Variants in NPAS3 observed in about 807,000 individuals in gnomAD.
The protein encoded by NPAS3 is neuronal PAS domain-containing protein 3.
NPAS3 carries 14 observed loss-of-function variants against 73.1 expected under a neutral mutation model. That is an observed-to-expected ratio of 0.19 (90% CI 0.13 to 0.30). NPAS3 has a LOEUF of 0.30. NPAS3 is among the 10% of genes least tolerant of loss of function. The pLI is 1.00. For synonymous variants in NPAS3, 620 were observed against 541.5 expected (o/e 1.14, Z -2.01); for missense variants, 1,096 against 1,250.0 (o/e 0.88, Z 1.86).
intron 4 of NPAS3, among the ~76,000 whole-genome samples, chr14:33,476,420 G>A (rs1314314885): frequency 6.6e-6 from 1 of 151,984 alleles, no homozygotes; most frequent in Non-Finnish European, 1.5e-5. Flanking sequence ...AAATTAACTA[G>A]GCCAATTAAG....
At chr14:33,489,328 T>C (rs1244313753) in intron 4 of NPAS3, among the ~76,000 whole-genome samples, 1 of 152,174 alleles carries the variant, frequency 6.6e-6, no homozygotes, top group Non-Finnish European at 1.5e-5. Context: ...ATAACTACAG[T>C]ACTAAATATA....
chr14:33,348,346 T>G (rs2044848895), intron 3 of NPAS3, among the ~76,000 whole-genome samples: 1 of 152,140 alleles, frequency 6.6e-6, no homozygotes, highest in Non-Finnish European at 1.5e-5. Context: ...GGAACCTTCT[T>G]AAGCATAGGT....
chr14:33,800,991 C>T lies in NPAS3; in HGVS notation c.2684C>T (p.Thr895Met). The T allele has an allele frequency of 6.3e-7, 1 of 1,586,814 alleles. No individual in the cohort carries two copies. Among genetic ancestry groups the T allele is most frequent in the African/African-American group, 1.3e-5 (1 of 74,318 alleles). ...GGCGCAGTGAGCGCAGCTAGCCTGACGCAGATGCCCGCCGGCAACGTGTTC... is the reference window on the plus strand; with the variant it reads ...GGCGCAGTGAGCGCAGCTAGCCTGATGCAGATGCCCGCCGGCAACGTGTTC... The change falls in exon 12 of 12, where the codon ACG becomes ATG. Residue 895 changes from threonine (T) to methionine (M), a missense_variant. By Grantham distance (81) the Thr-to-Met change is moderately conservative. Around this residue, in one of 5 missense-constraint regions of NPAS3, gnomAD observed 698 missense variants for 676.7 expected, o/e 1.03. Coordinates refer to ENST00000356141, the Ensembl canonical transcript of NPAS3. The surrounding 1 kb of genome is among the most constrained non-coding windows in gnomAD (Gnocchi z 6.5).
chr14:33,084,451 T>C (rs1393157667), intron 2 of NPAS3, among the ~76,000 whole-genome samples: 1 of 152,194 alleles, frequency 6.6e-6, no homozygotes, highest in Non-Finnish European at 1.5e-5. Context: ...AAACGTAGTA[T>C]AAGAAGACCT....
downstream of NPAS3, chr14:33,801,341 T>G: frequency 1.3e-6 from 1 of 752,922 alleles, no homozygotes; most frequent in Admixed American, 3.1e-5. Context: ...CCGTTTTGTC[T>G]TCTTCTAAGG....
At chr14:33,308,730 G>C (rs1310786090) in intron 3 of NPAS3, among the ~76,000 whole-genome samples, 1 of 151,600 alleles carries the variant, frequency 6.6e-6, no homozygotes, top group Non-Finnish European at 1.5e-5. Context: ...TCATCTGTTT[G>C]CATTTCATTA....
At chr14:33,509,433 A>G (rs1305410195) in intron 4 of NPAS3, among the ~76,000 whole-genome samples, 1 of 152,052 alleles carries the variant, frequency 6.6e-6, no homozygotes, top group African/African-American at 2.4e-5. Context: ...TCCAGTAGCT[A>G]CTTGAAAGCA....
intron 6 of NPAS3, among the ~76,000 whole-genome samples, chr14:33,688,196 C>G (rs1043449668): frequency 3.3e-5 from 5 of 152,060 alleles, no homozygotes; most frequent in Admixed American, 3.3e-4. Context: ...AGCATAGTAC[C>G]CAATAGGTCG....
At chr14:33,792,922 CAAGT>C (rs1489723331) in intron 9 of NPAS3, among the ~76,000 whole-genome samples, 1 of 152,222 alleles carries the variant, frequency 6.6e-6, no homozygotes, top group African/African-American at 2.4e-5. Context: ...GATCCGCAGC[CAAGT>C]AATAACAGCA....
chr14:33,111,972 A>G (rs1291371799), intron 2 of NPAS3, among the ~76,000 whole-genome samples: 1 of 152,050 alleles, frequency 6.6e-6, no homozygotes, highest in Non-Finnish European at 1.5e-5. Flanking sequence ...TTCCAGCTTC[A>G]TCCATGTCCC....
At chr14:32,941,275 T>TCCCCTCC (rs1166793165) in intron 1 of NPAS3, among the ~76,000 whole-genome samples, 2 of 1,874 alleles carry the variant, frequency 1.1e-3, no homozygotes, top group Non-Finnish European at 2.0e-3. Context: ...TCCCCTCCCC[T>TCCCCTCC]CCTCCCTCCC....
At chr14:33,729,623 T>C (rs1388014568) in intron 6 of NPAS3, among the ~76,000 whole-genome samples, 1 of 152,156 alleles carries the variant, frequency 6.6e-6, no homozygotes, top group African/African-American at 2.4e-5. Context: ...CCTCAGTTCC[T>C]TGTTACATTG....
At chr14:33,386,801 T>C (rs1166988350) in intron 4 of NPAS3, among the ~76,000 whole-genome samples, 2 of 152,164 alleles carry the variant, frequency 1.3e-5, no homozygotes, top group African/African-American at 2.4e-5. Context: ...TGCCTAACAG[T>C]GATTGACGTT....
intron 4 of NPAS3, among the ~76,000 whole-genome samples, chr14:33,449,764 C>G (rs193083225): frequency 2.6e-5 from 4 of 152,140 alleles, no homozygotes; most frequent in African/African-American, 9.7e-5. Context: ...TTTATTCCCC[C>G]CCAGGCTCTG....
chr14:33,252,239 C>G (rs541428027), intron 3 of NPAS3, among the ~76,000 whole-genome samples: 1 of 152,010 alleles, frequency 6.6e-6, no homozygotes, highest in African/African-American at 2.4e-5. Context: ...GCCCATAGGA[C>G]TGCATTTCTA....
intron 5 of NPAS3, among the ~76,000 whole-genome samples, chr14:33,569,337 T>C (rs2056105429): frequency 6.6e-6 from 1 of 152,192 alleles, no homozygotes. Flanking sequence ...GGAAAAAATA[T>C]GGCCTAGATT....
intron 1 of NPAS3, among the ~76,000 whole-genome samples, chr14:32,983,299 C>T (rs1337385158): frequency 6.6e-6 from 1 of 152,092 alleles, no homozygotes; most frequent in African/African-American, 2.4e-5. Context: ...TAAAAATTCT[C>T]CCACTTCTTA....
intron 4 of NPAS3, among the ~76,000 whole-genome samples, chr14:33,511,551 C>T (rs1013668070): frequency 4.6e-5 from 7 of 152,000 alleles, no homozygotes; most frequent in Non-Finnish European, 7.4e-5. Flanking sequence ...CATGTGGCCG[C>T]GCTGTTGTAT....
At chr14:33,649,862 G>C (rs1278490592) in intron 5 of NPAS3, among the ~76,000 whole-genome samples, 1 of 152,200 alleles carries the variant, frequency 6.6e-6, no homozygotes, top group Non-Finnish European at 1.5e-5. Flanking sequence ...GCTGCAGAGA[G>C]AGAAACCAAG....
Sources: allele counts gnomAD v4.1 joint callset (sites outside exome capture counted in the v4.1 genomes callset), GRCh38; gene constraint gnomAD v4.1.1; regional missense constraint gnomAD v4.1.1; non-coding constraint Gnocchi (gnomAD v3.1); transcripts MANE v1.5; gene names NCBI Gene and HGNC (gene_info 2026-07-23, HGNC 2026-07-21).